The following LMLN variants were observed in gnomAD, a reference collection of about 807,000 sequenced individuals.
LMLN encodes the protein leishmanolysin-like peptidase.
Under a neutral mutation model 92.3 loss-of-function variants are expected in LMLN, and 70 were observed. The ratio of observed to expected loss-of-function variants is 0.76; its 90% confidence interval spans 0.63 to 0.92. LMLN has a LOEUF of 0.92. Among genes scored for constraint, LMLN ranks in the 40% least tolerant of loss-of-function variants. The pLI, the probability that LMLN is intolerant of heterozygous loss-of-function variation, is 0.00. For missense variants in LMLN, 691 were observed against 814.6 expected (o/e 0.85, Z 1.85); for synonymous variants, 308 against 296.2 (o/e 1.04, Z -0.41).
intron 1 of LMLN, among the ~76,000 whole-genome samples, chr3:197,969,303 C>A (rs1029374060): frequency 6.6e-6 from 1 of 151,866 alleles, no homozygotes; most frequent in South Asian, 2.1e-4. Context: ...TAAGGTGGAA[C>A]CTTAGATCAT....
intron 12 of LMLN, 55 bp from the exon 14 acceptor site, chr3:198,021,391 C>T (rs1365951315): frequency 2.5e-5 from 39 of 1,554,968 alleles, no homozygotes; most frequent in Non-Finnish European, 3.3e-5. Flanking sequence ...TGCACTTCCT[C>T]AATTTTATAC....
intron 12 of LMLN, among the ~76,000 whole-genome samples, chr3:198,020,221 C>T (rs1234414383): frequency 6.6e-6 from 1 of 152,116 alleles, no homozygotes; most frequent in Non-Finnish European, 1.5e-5. Context: ...GTCTCAAACT[C>T]CTGACCTCAT....
intron 14 of LMLN, among the ~76,000 whole-genome samples, chr3:198,030,972 G>T (rs568950136): frequency 6.6e-6 from 1 of 151,412 alleles, no homozygotes; most frequent in Non-Finnish European, 1.5e-5. Flanking sequence ...TGCCCTCAGG[G>T]TCCTCAGCTA....
chr3:197,986,268 C>T (rs917245560), intron 8 of LMLN, among the ~76,000 whole-genome samples: 10 of 152,060 alleles, frequency 6.6e-5, no homozygotes, highest in African/African-American at 2.4e-4. Flanking sequence ...CAAAACCTGC[C>T]GGGCAGCGTG....
At chr3:197,990,700 C>A in intron 9 of LMLN, 24 bp downstream of exon 9, 1 of 1,101,982 alleles carries the variant, frequency 9.1e-7, no homozygotes, top group South Asian at 1.3e-5. Flanking sequence ...GACTTCATGT[C>A]TCATGAGCCA....
chr3:198,006,107 G>C (rs1173913314), intron 11 of LMLN, among the ~76,000 whole-genome samples: 1 of 152,002 alleles, frequency 6.6e-6, no homozygotes, highest in South Asian at 2.1e-4. Context: ...ACAGAGTGAG[G>C]CTCTGTCTCA....
chr3:197,997,068 C>T (rs1722046516), intron 10 of LMLN, among the ~76,000 whole-genome samples: 1 of 136,080 alleles, frequency 7.3e-6, no homozygotes, highest in Admixed American at 7.5e-5. Context: ...TTCTTTCTCT[C>T]TTTCTTTCCT....
At chr3:197,978,373 C>G (rs909082168) in intron 5 of LMLN, among the ~76,000 whole-genome samples, 1 of 152,150 alleles carries the variant, frequency 6.6e-6, no homozygotes, top group Non-Finnish European at 1.5e-5. Context: ...CAGTAGCTTA[C>G]ACCTGTAGTC....
chr3:197,986,730 A>T (rs1560140142), intron 8 of LMLN, among the ~76,000 whole-genome samples: 1 of 152,352 alleles, frequency 6.6e-6, no homozygotes, highest in East Asian at 1.9e-4. Context: ...TGAACAGATA[A>T]CGTGATAACA....
chr3:197,992,089 CAAAAAA>C (rs869163432), intron 9 of LMLN, among the ~76,000 whole-genome samples: 3 of 65,626 alleles, frequency 4.6e-5, no homozygotes, highest in African/African-American at 1.5e-4. Flanking sequence ...GACCCTGTCT[CAAAAAA>C]AAAAAAAAAA....
At chr3:198,034,732 CTA>C (rs796165793) in intron 14 of LMLN, among the ~76,000 whole-genome samples, 5 of 152,276 alleles carry the variant, frequency 3.3e-5, no homozygotes, top group African/African-American at 1.2e-4. Context: ...TGCAAATGAG[CTA>C]TGAGTCTTGC....
At chr3:197,960,290 C>A in exon 1 of LMLN, 4 of 1,613,780 alleles carry the variant, frequency 2.5e-6, no homozygotes, top group South Asian at 2.2e-5. Flanking sequence ...CGGGCTCAGG[C>A]CCGGGCCGGA....
chr3:198,012,283 T>C (rs986332530), intron 11 of LMLN, among the ~76,000 whole-genome samples: 4 of 152,178 alleles, frequency 2.6e-5, no homozygotes, highest in Admixed American at 1.3e-4. Flanking sequence ...CAGGCTGGTC[T>C]TGAACTGCTG....
At position 198,012,536 on chromosome 3, in the gene LMLN, C is replaced by T. The variant is rs564663692; in HGVS notation, c.1233-6717C>T. Among the ~76,000 whole-genome samples, 4 of 151,806 alleles carry T rather than the reference C, an allele frequency of 2.6e-5. No individual in the cohort carries two copies. The East Asian group carries it at 7.8e-4, about 29-fold the overall frequency. On this transcript the variant is annotated intron_variant, in intron 11 of 15. Transcript: ENST00000330198. ...AGTCCCTAACTAGTCTGACTTCTCT[C>T]CACCCTTCAGAGCCCCCTAACTAGT...
At position 198,031,237 on chromosome 3, in the gene LMLN, G is replaced by A. The variant is rs1173620632; in HGVS notation, c.1657-4596G>A. The stretch of plus-strand genomic sequence containing the variant: ...ACAGTTACAGAAAAGTAAAATGTAT[G>A]CGGAGGCTAAAGGAAGATAAGAATT... On this transcript the variant is annotated intron_variant, in intron 14 of 15. Transcript: ENST00000330198. The surrounding 1 kb of genome is among the most constrained non-coding windows in gnomAD (Gnocchi z 4.8). 6.6e-6 allele frequency among the ~76,000 whole-genome samples: 1 copy of A among 152,220 alleles called. No individual in the cohort carries two copies. The highest frequency in any genetic ancestry group is 1.5e-5 in the Non-Finnish European group (1 of 68,040).
intron 11 of LMLN, among the ~76,000 whole-genome samples, chr3:198,006,912 C>T (rs1270120512): frequency 6.6e-6 from 1 of 152,096 alleles, no homozygotes; most frequent in East Asian, 1.9e-4. Context: ...GGGGTTTTAC[C>T]ATGTTGGCCA....
intron 11 of LMLN, among the ~76,000 whole-genome samples, chr3:198,017,191 C>G (rs1018388249): frequency 1.3e-5 from 2 of 152,144 alleles, no homozygotes; most frequent in Admixed American, 6.6e-5. Flanking sequence ...GTTTGCTGAC[C>G]CCTGTCACAG....
At chr3:197,968,739 C>T (rs1248589045) in intron 1 of LMLN, among the ~76,000 whole-genome samples, 1 of 152,148 alleles carries the variant, frequency 6.6e-6, no homozygotes, top group African/African-American at 2.4e-5. Flanking sequence ...TGGGACATGT[C>T]CCATTTTCTT....
At chr3:198,001,017 T>A (rs1460281249) in intron 11 of LMLN, among the ~76,000 whole-genome samples, 4 of 152,136 alleles carry the variant, frequency 2.6e-5, no homozygotes, top group Non-Finnish European at 5.9e-5. Flanking sequence ...ACTCAGAAAC[T>A]CTCTGTTTCT....
Sources: allele counts gnomAD v4.1 joint callset (sites outside exome capture counted in the v4.1 genomes callset), GRCh38; gene constraint gnomAD v4.1.1; non-coding constraint Gnocchi (gnomAD v3.1); transcripts MANE v1.5; gene names NCBI Gene and HGNC (gene_info 2026-07-23, HGNC 2026-07-21).